CWH43: variants seen among roughly 807,000 people sequenced by gnomAD.
CWH43 encodes PGAP2-interacting protein.
Under a neutral mutation model 85.7 loss-of-function variants are expected in CWH43, and 91 were observed. That is an observed-to-expected ratio of 1.06 (90% CI 0.90 to 1.26). CWH43 has a LOEUF of 1.26. Among genes scored for constraint, CWH43 ranks in the 50% most tolerant of loss-of-function variants. The probability of loss-of-function intolerance (pLI) is 0.00; values close to 1 mark genes in which losing one functional copy is unlikely to be tolerated. For missense variants in CWH43, 869 were observed against 839.2 expected (o/e 1.04, Z -0.44); for synonymous variants, 323 against 293.6 (o/e 1.10, Z -1.02).
intron 10 of CWH43, among the ~76,000 whole-genome samples, chr4:49,029,317 A>G (rs1784016175): frequency 6.6e-6 from 1 of 152,146 alleles, no homozygotes; most frequent in Non-Finnish European, 1.5e-5. Context: ...CTTGTTAACA[A>G]TATGTTTACA....
Position 48,986,364 on chromosome 4 carries a change from G to T in CWH43, c.-66G>T, listed in dbSNP as rs1213860882. 9 of 1,462,164 alleles carry T rather than the reference G, an allele frequency of 6.2e-6. No individual in the cohort carries two copies. The highest frequency in any genetic ancestry group is 2.1e-5 in the Admixed American group (1 of 47,006). The allele number at this position is 1,462,164 out of a possible 1,614,324, so 90.6% of individuals were successfully genotyped here. On this transcript the variant is annotated 5_prime_UTR_variant, in exon 1 of 16. Transcript: ENST00000226432. ...GACGCGGCGGCGGGAACCTGGGGGC[G>T]CAGGGCTAGGGCAGCGGGCCCGACC...
chr4:49,006,210 C>A (rs1783152235), intron 7 of CWH43, among the ~76,000 whole-genome samples: 1 of 152,064 alleles, frequency 6.6e-6, no homozygotes. Context: ...AAAGTAAGAG[C>A]TATTCCATGC....
rs138702757 is a variant in CWH43, at chr4:49,037,308, C to T, written c.1659-728C>T. ...CAGTTGGGCTGGGCGCAGTGGCTCA[C>T]GCCTGTAATCCCAGCACTTTGGGAA... On this transcript the variant is annotated intron_variant, in intron 12 of 15. Coordinates refer to ENST00000226432, the MANE Select transcript of CWH43 (RefSeq NM_025087.3). Among the ~76,000 whole-genome samples, 22 of 152,256 alleles carry T rather than the reference C, an allele frequency of 1.4e-4. No individual in the cohort carries two copies. In the Middle Eastern group the frequency reaches 0.01, roughly 71 times the overall value.
intron 12 of CWH43, among the ~76,000 whole-genome samples, chr4:49,033,367 A>G (rs1784162269): frequency 6.6e-6 from 1 of 152,100 alleles, no homozygotes. Context: ...GCCCATATGG[A>G]CTTGTGAATA....
chr4:48,987,868 G>T (rs1171354009), intron 1 of CWH43, among the ~76,000 whole-genome samples: 6 of 152,166 alleles, frequency 3.9e-5, no homozygotes, highest in Admixed American at 6.5e-5. Flanking sequence ...GTAGTCTGGG[G>T]TTGGAGGAGG....
intron 4 of CWH43, among the ~76,000 whole-genome samples, chr4:48,993,646 T>C (rs1782723016): frequency 6.6e-6 from 1 of 152,202 alleles, no homozygotes; most frequent in African/African-American, 2.4e-5. Flanking sequence ...GAATTGGACC[T>C]CTTGGTTAAA....
chr4:49,022,649 T>C (rs1783788572), intron 9 of CWH43, among the ~76,000 whole-genome samples: 1 of 152,220 alleles, frequency 6.6e-6, no homozygotes, highest in African/African-American at 2.4e-5. Context: ...GAATGTCTGA[T>C]AGAATTCAGC....
chr4:49,013,454 A>G (rs1783434270), intron 8 of CWH43, among the ~76,000 whole-genome samples: 1 of 152,218 alleles, frequency 6.6e-6, no homozygotes, highest in African/African-American at 2.4e-5. Context: ...TTCCCGGGTG[A>G]GGTGATGCCA....
At chr4:48,996,664 A>T (rs1782823978) in intron 5 of CWH43, among the ~76,000 whole-genome samples, 1 of 152,198 alleles carries the variant, frequency 6.6e-6, no homozygotes, top group African/African-American at 2.4e-5. Flanking sequence ...AGAGTAAAGG[A>T]AGAACTTTAA....
intron 9 of CWH43, among the ~76,000 whole-genome samples, chr4:49,024,470 T>A (rs755674681): frequency 6.6e-6 from 1 of 152,182 alleles, no homozygotes; most frequent in Non-Finnish European, 1.5e-5. Flanking sequence ...TTATGGAGAT[T>A]CTATTTTGGT....
At chr4:49,031,137 G>A in intron 11 of CWH43, 177 bp downstream of exon 11, 1 of 562,282 alleles carries the variant, frequency 1.8e-6, no homozygotes, top group Non-Finnish European at 2.9e-6. Flanking sequence ...TGGTTTTTCT[G>A]TGGCTGGATA....
At chr4:49,007,420 A>G in intron 8 of CWH43, 94 bp downstream of exon 8, 2 of 1,303,874 alleles carry the variant, frequency 1.5e-6, no homozygotes, top group Non-Finnish European at 2.0e-6. Context: ...TGTATCCTTC[A>G]TCCTGTTTCA....
At chr4:48,999,500 C>T (rs1782923164) in intron 6 of CWH43, among the ~76,000 whole-genome samples, 1 of 152,180 alleles carries the variant, frequency 6.6e-6, no homozygotes, top group Admixed American at 6.5e-5. Context: ...CACTGATTTC[C>T]ACAAATGTTA....
chr4:49,055,253 T>C (rs1174352912), intron 15 of CWH43, among the ~76,000 whole-genome samples: 1 of 152,186 alleles, frequency 6.6e-6, no homozygotes, highest in East Asian at 1.9e-4. Context: ...TCTGCATCTA[T>C]TGAGATGATC....
intron 15 of CWH43, among the ~76,000 whole-genome samples, chr4:49,060,038 G>T (rs769041430): frequency 2.5e-4 from 38 of 152,142 alleles, no homozygotes; most frequent in Non-Finnish European, 4.7e-4. Flanking sequence ...GGTGGAGCAG[G>T]CCTAGATTCT....
intron 9 of CWH43, among the ~76,000 whole-genome samples, chr4:49,024,665 C>T (rs1019003833): frequency 2.6e-5 from 4 of 152,054 alleles, no homozygotes; most frequent in Non-Finnish European, 5.9e-5. Flanking sequence ...TTTAAGGAGG[C>T]TAAAGATAGG....
At chr4:49,006,091 A>G (rs893534309) in intron 7 of CWH43, among the ~76,000 whole-genome samples, 3 of 151,946 alleles carry the variant, frequency 2.0e-5, no homozygotes, top group Non-Finnish European at 2.9e-5. Context: ...ATTTCTTCTG[A>G]TTTATTTCAG....
rs1577663802 is a variant in CWH43, at chr4:49,004,759, A to T, written c.1060+767A>T. 2.0e-5 allele frequency among the ~76,000 whole-genome samples: 3 copies of T among 152,194 alleles called. No homozygotes were observed. The East Asian group carries it at 5.8e-4, about 29-fold the overall frequency. Reference sequence around the variant, plus strand: ...TCTTAGTGTAAATGGTAAATCTCCAAGTCATAGAACAAATATATTTACCAT... The same window carrying T: ...TCTTAGTGTAAATGGTAAATCTCCATGTCATAGAACAAATATATTTACCAT... On this transcript the variant is annotated intron_variant, in intron 7 of 15. Coordinates refer to ENST00000226432, the MANE Select transcript of CWH43 (RefSeq NM_025087.3).
In CWH43 at chr4:48,994,753, G is replaced by A; in HGVS notation, c.646G>A (p.Val216Ile). 2 of 1,614,098 alleles carry A rather than the reference G, an allele frequency of 1.2e-6. No homozygotes were observed. Among genetic ancestry groups the A allele is most frequent in the Non-Finnish European group, 1.7e-6 (2 of 1,180,030 alleles). ...CCTCACCCACTGGGTTTTTGGAGAA[G>A]TCTCTCTTGTTTCCAGATGGGCAGT... ...VFLTHWVFGE[V>I]SLVSRWAVSG... is the part of the protein sequence containing the mutation. The change falls in exon 5 of 16, where the codon GTC becomes ATC. Residue 216 changes from valine (V) to isoleucine (I), a missense_variant. This residue lies in a region of CWH43 where 152 missense variants were observed against 203.6 expected (regional missense o/e 0.75). Coordinates refer to ENST00000226432, the MANE Select transcript of CWH43 (RefSeq NM_025087.3).
Sources: gnomAD v4.1 joint callset for allele counts (sites outside exome capture counted in the v4.1 genomes callset) on GRCh38, gnomAD v4.1.1 for gene constraint, gnomAD v4.1.1 regional missense constraint, MANE v1.5 for transcripts, NCBI Gene and HGNC (gene_info 2026-07-23, HGNC 2026-07-21) for gene names.